CCM2: variants seen among roughly 807,000 people sequenced by gnomAD.
CCM2 encodes cerebral cavernous malformations 2 protein.
Under a neutral mutation model 44.9 loss-of-function variants are expected in CCM2, and 25 were observed. The ratio of observed to expected loss-of-function variants is 0.56; its 90% CI spans 0.41 to 0.78. The LOEUF (loss-of-function observed/expected upper bound fraction) is 0.78. Among genes scored for constraint, CCM2 ranks in the 30% least tolerant of loss-of-function variants. The pLI, the probability that CCM2 is intolerant of heterozygous loss-of-function variation, is 0.00. For missense variants in CCM2, 481 were observed against 580.6 expected (o/e 0.83, Z 1.76); for synonymous variants, 219 against 241.1 (o/e 0.91, Z 0.85).
At chr7:45,027,878 T>G in intron 1 of CCM2, 1 of 1,433,464 alleles carries the variant, frequency 7.0e-7, no homozygotes, top group African/African-American at 1.4e-5. Flanking sequence ...CATGGCTGCT[T>G]CCCAGGGCTT....
At position 45,076,341 on chromosome 7, in the gene CCM2, A is replaced by G. The variant is rs771451839; in HGVS notation, c.*284A>G. On this transcript the variant is annotated 3_prime_UTR_variant, in exon 10 of 10. Coordinates refer to ENST00000258781, the MANE Select transcript of CCM2 (RefSeq NM_031443.4). The stretch of plus-strand genomic sequence containing the variant: ...GGAGGGCCCGGCCGAGCGGGCAGGG[A>G]GAGCCAGTCCTGTCGGCTGGGCCCT... The G allele has an allele frequency of 1.6e-6, 1 of 621,536 alleles. No individual in the cohort carries two copies. The highest frequency in any genetic ancestry group is 1.5e-5 in the South Asian group (1 of 65,332). The allele number at this position is 621,536 out of a possible 1,614,324, so 38.5% of individuals were successfully genotyped here. A position where few individuals can be genotyped will look rare whatever the true frequency, so the allele number is the denominator to read the frequency against.
chr7:45,056,221 A>G (rs991406943), intron 2 of CCM2, among the ~76,000 whole-genome samples: 2 of 152,218 alleles, frequency 1.3e-5, no homozygotes, highest in Non-Finnish European at 2.9e-5. Context: ...TTACTGAATC[A>G]TATGCTAATT....
intron 1 of CCM2, chr7:45,027,654 G>T: frequency 6.2e-7 from 1 of 1,613,904 alleles, no homozygotes; most frequent in Non-Finnish European, 8.5e-7. Context: ...TTTTCAGAGG[G>T]AGGGCTAACA....
intron 2 of CCM2, among the ~76,000 whole-genome samples, chr7:45,051,436 C>T (rs978639877): frequency 6.6e-6 from 1 of 152,042 alleles, no homozygotes; most frequent in South Asian, 2.1e-4. Flanking sequence ...CTCGTTCTGT[C>T]GCCCAGCCTG....
At position 45,012,704 on chromosome 7, in the gene CCM2, G is replaced by A. The variant is rs540868450; in HGVS notation, c.30+12341G>A. Among the ~76,000 whole-genome samples the A allele has an allele frequency of 1.4e-3, 212 of 151,534 alleles. 5 individuals carry two copies. In the South Asian group the frequency reaches 0.038, roughly 27 times the overall value. On this transcript the variant is annotated intron_variant, in intron 1 of 9. Coordinates refer to ENST00000258781, the MANE Select transcript of CCM2 (RefSeq NM_031443.4). ...CAGGTAGCTGGGAGTACAGGTGTGCGCCACCATGCCTGGCTAATTTTTTTT... is the reference window on the plus strand; with the variant it reads ...CAGGTAGCTGGGAGTACAGGTGTGCACCACCATGCCTGGCTAATTTTTTTT...
At chr7:45,003,483 A>T (rs1483902856) in intron 1 of CCM2, among the ~76,000 whole-genome samples, 1 of 152,122 alleles carries the variant, frequency 6.6e-6, no homozygotes, top group Non-Finnish European at 1.5e-5. Flanking sequence ...AGGTAATCCT[A>T]ACACTTTGGG....
In CCM2 at chr7:45,068,572, A is replaced by G; in HGVS notation, c.602A>G (p.Glu201Gly). ...EACCLVILAAESKVAAEELCC... is the reference protein window; with the variant it reads ...EACCLVILAAGSKVAAEELCC... ...TGCTGCCTGGTCATCCTGGCTGCAG[A>G]GAGCAAGGTGAGACTTTCTCGCCCC... The change falls in exon 5 of 10, where the codon GAG becomes GGG. Residue 201 changes from glutamate to glycine, a missense_variant. Glu to Gly is a moderately conservative substitution (Grantham distance 98, BLOSUM62 -2). Transcript: ENST00000258781. 6.2e-7 allele frequency: 1 copy of G among 1,613,966 alleles called. No homozygotes were observed. Among genetic ancestry groups the G allele is most frequent in the Non-Finnish European group, 8.5e-7 (1 of 1,179,986 alleles).
chr7:45,052,050 CTAAG>C lies in CCM2; in HGVS notation c.205-11866_205-11863del, dbSNP rs547206569. Among the ~76,000 whole-genome samples the C allele has an allele frequency of 8.7e-4, 133 of 152,326 alleles. No homozygotes were observed. Among genetic ancestry groups the C allele is most frequent in the Non-Finnish European group, 1.6e-3 (112 of 68,040 alleles). On this transcript the variant is annotated intron_variant, in intron 2 of 9. Coordinates refer to ENST00000258781, the MANE Select transcript of CCM2 (RefSeq NM_031443.4). The stretch of plus-strand genomic sequence containing the variant: ...GCCTACTGCTGTACCTCCTTTAGCA[CTAAG>C]TGAGTCCCTTGATCCAAGGTGATGA...
intron 1 of CCM2, among the ~76,000 whole-genome samples, chr7:45,012,216 C>T (rs1796094199): frequency 6.7e-6 from 1 of 149,810 alleles, no homozygotes; most frequent in Admixed American, 6.7e-5. Flanking sequence ...TAACTGCAAC[C>T]TCCACCTCCT....
chr7:45,066,901 AT>A (rs34087646), intron 4 of CCM2, among the ~76,000 whole-genome samples: 33,231 of 143,554 alleles, frequency 0.23, 3,436 homozygotes, highest in Admixed American at 0.26. Flanking sequence ...AAACCAGTAA[AT>A]TTTTTTTTTT....
chr7:45,043,193 T>G (rs1288399727), intron 2 of CCM2, among the ~76,000 whole-genome samples: 1 of 152,050 alleles, frequency 6.6e-6, no homozygotes, highest in East Asian at 1.9e-4. Context: ...TGTCTTGAAC[T>G]CCTAGACTCA....
chr7:45,035,946 G>C (rs952356386), intron 1 of CCM2, among the ~76,000 whole-genome samples: 1 of 152,126 alleles, frequency 6.6e-6, no homozygotes, highest in African/African-American at 2.4e-5. Context: ...CATATCAGAC[G>C]TGCTCAGAAC....
chr7:45,033,095 A>T (rs1797046527), intron 1 of CCM2, among the ~76,000 whole-genome samples: 1 of 147,766 alleles, frequency 6.8e-6, no homozygotes, highest in South Asian at 2.2e-4. Context: ...AGGAGGAAAG[A>T]GCTGAGCTCG....
At chr7:45,021,393 G>A (rs959692294) in intron 1 of CCM2, among the ~76,000 whole-genome samples, 7 of 151,700 alleles carry the variant, frequency 4.6e-5, no homozygotes, top group Admixed American at 2.0e-4. Context: ...TAAAACCCCC[G>A]ACTCTACTAA....
At chr7:45,062,055 C>T (rs1798551804) in intron 2 of CCM2, among the ~76,000 whole-genome samples, 1 of 152,206 alleles carries the variant, frequency 6.6e-6, no homozygotes, top group Non-Finnish European at 1.5e-5. Context: ...CATTGCATAT[C>T]TGTCTCTCCA....
At chr7:45,061,575 C>G (rs1798524935) in intron 2 of CCM2, among the ~76,000 whole-genome samples, 1 of 151,672 alleles carries the variant, frequency 6.6e-6, no homozygotes, top group Admixed American at 6.6e-5. Context: ...TCAAATGATC[C>G]TCCCATCTCA....
intron 1 of CCM2, among the ~76,000 whole-genome samples, chr7:45,028,938 A>T (rs951983490): frequency 6.6e-6 from 1 of 152,108 alleles, no homozygotes; most frequent in Non-Finnish European, 1.5e-5. Context: ...AGTGCCTCGG[A>T]TGTGCACCTT....
intron 1 of CCM2, among the ~76,000 whole-genome samples, chr7:45,033,044 C>CAAAAAAAAA (rs60956411): frequency 3.4e-5 from 2 of 58,058 alleles, no homozygotes; most frequent in Admixed American, 2.6e-4. Flanking sequence ...AACTCCGTCT[C>CAAAAAAAAA]AAAAAAAAAA....
intron 2 of CCM2, among the ~76,000 whole-genome samples, chr7:45,045,992 G>A (rs1485438580): frequency 6.6e-6 from 1 of 152,198 alleles, no homozygotes; most frequent in African/African-American, 2.4e-5. Context: ...ATCTGAATAA[G>A]TGGAGAGACA....
Sources: gnomAD v4.1 joint callset for allele counts (sites outside exome capture counted in the v4.1 genomes callset) on GRCh38, gnomAD v4.1.1 for gene constraint, MANE v1.5 for transcripts, NCBI Gene and HGNC (gene_info 2026-07-23, HGNC 2026-07-21) for gene names.